FAT1: variants seen among roughly 807,000 people sequenced by gnomAD.
The protein encoded by FAT1 is FAT atypical cadherin 1.
FAT1 carries 171 observed loss-of-function variants against 329.8 expected under a neutral mutation model. The ratio of observed to expected loss-of-function variants is 0.52; its 90% confidence interval spans 0.46 to 0.59. The LOEUF is 0.59. FAT1 is among the 20% of genes least tolerant of loss of function. The probability of loss-of-function intolerance (pLI) is 0.00; values close to 1 mark genes in which losing one functional copy is unlikely to be tolerated. For synonymous variants in FAT1, 2,233 were observed against 2,228.6 expected (o/e 1.00, Z -0.06); for missense variants, 5,672 against 5,774.4 (o/e 0.98, Z 0.57).
chr4:186,720,409 A>G (rs749359322), intron 1 of FAT1, among the ~76,000 whole-genome samples: 3 of 152,100 alleles, frequency 2.0e-5, no homozygotes, highest in Non-Finnish European at 2.9e-5. Flanking sequence ...TCCTTTTCCT[A>G]AGATAACATG....
At chr4:186,660,727 A>G (rs913543712) in intron 3 of FAT1, among the ~76,000 whole-genome samples, 4 of 152,176 alleles carry the variant, frequency 2.6e-5, no homozygotes, top group African/African-American at 9.7e-5. Context: ...CAGAATAGAG[A>G]GATTTAAAAG....
At position 186,589,147 on chromosome 4, in the gene FAT1, C is replaced by T. The variant is rs963327414; in HGVS notation, c.13212G>A (p.Glu4404=). 3.7e-6 allele frequency: 6 copies of T among 1,613,770 alleles called. No individual in the cohort carries two copies. The African/African-American group carries it at 6.7e-5, about 18-fold the overall frequency. ...LPDIQEFPNY[E]VIDEQTPLYS... ...ACAGGGGTGTCTGCTCATCAATCAC[C>T]TCATAGTTGGGGAACTCTTGTATGT... The change falls in exon 27 of 27, where the codon GAG becomes GAA. Residue 4404 remains glutamate, a synonymous_variant. Coordinates refer to ENST00000441802, the MANE Select transcript of FAT1 (RefSeq NM_005245.4).
chr4:186,649,646 G>C (rs1741542756), intron 3 of FAT1, among the ~76,000 whole-genome samples: 1 of 152,164 alleles, frequency 6.6e-6, no homozygotes, highest in Non-Finnish European at 1.5e-5. Context: ...ACTGGGAGGA[G>C]CGAGGATAGG....
chr4:186,656,751 G>A (rs1339943499), intron 3 of FAT1, among the ~76,000 whole-genome samples: 1 of 152,084 alleles, frequency 6.6e-6, no homozygotes, highest in African/African-American at 2.4e-5. Flanking sequence ...AACATAACCA[G>A]GATATTGCTA....
chr4:186,606,413 CAAT>C (rs1476394416), intron 16 of FAT1, among the ~76,000 whole-genome samples, 200 bp from the exon 17 acceptor site: 3 of 151,998 alleles, frequency 2.0e-5, no homozygotes, highest in African/African-American at 4.8e-5. Flanking sequence ...CAAGAATTAC[CAAT>C]AATGATTAGA....
At position 186,613,192 on chromosome 4, in the gene FAT1, G is replaced by T. The variant is rs1739537786; in HGVS notation, c.9380C>A (p.Ala3127Asp). ...AAACACGGTGATGGCATAAGGATCG[G>T]CAGAGAATTCGGGGGCGTTATCGTT... ...DVNDNAPEFS[A>D]DPYAITVFEN... is the part of the protein sequence containing the mutation. Residue 3127 changes from alanine (A) to aspartate (D), a missense_variant, in exon 13 of 27, where the codon GCC becomes GAC. Physicochemically the swap from Ala to Asp is moderately radical, Grantham distance 126. This residue lies in a region of FAT1 where 3,966 missense variants were observed against 3,915.2 expected (regional missense o/e 1.01). Transcript: ENST00000441802. 1 of 1,613,736 alleles carries T rather than the reference G, an allele frequency of 6.2e-7. No individual in the cohort carries two copies. The highest frequency in any genetic ancestry group is 8.5e-7 in the Non-Finnish European group (1 of 1,179,850).
rs1358583660 is a variant in FAT1, at chr4:186,617,066, G to A, written c.9014C>T (p.Ser3005Leu). ...AACTTTCACTTCAACTATCGCTTTT[G>A]ATGAGAAGGTGCCATCAGTTGCCGT... ...TITATDGTFSSKAIVEVKVLD... is the reference protein window; with the variant it reads ...TITATDGTFSLKAIVEVKVLD... The change falls in exon 11 of 27, where the codon TCA (serine) becomes TTA (leucine). Residue 3005 changes from serine (S) to leucine (L), a missense_variant. Ser to Leu is a moderately radical substitution (Grantham distance 145, BLOSUM62 -2). This residue lies in a region of FAT1 where 3,966 missense variants were observed against 3,915.2 expected (regional missense o/e 1.01). Transcript: ENST00000441802. 6 of 1,613,974 alleles carry A rather than the reference G, an allele frequency of 3.7e-6. No homozygotes were observed. The South Asian group carries it at 6.6e-5, about 18-fold the overall frequency.
At position 186,618,654 on chromosome 4, in the gene FAT1, C is replaced by A; in HGVS notation, c.7932G>T (p.Glu2644Asp). ...CGGACAGTTTGTTAATTTCCAAATT[C>A]TCTTTTACACTTTCAGAGTCTGCTT... ...AIEADSESVK[E>D]NLEINKLSGV... Residue 2644 changes from glutamate (E) to aspartate (D), a missense_variant, in exon 10 of 27, where the codon GAG becomes GAT. Coordinates refer to ENST00000441802, the MANE Select transcript of FAT1 (RefSeq NM_005245.4). 4 of 1,614,044 alleles carry A rather than the reference C, an allele frequency of 2.5e-6. No homozygotes were observed. Among genetic ancestry groups the A allele is most frequent in the Non-Finnish European group, 3.4e-6 (4 of 1,179,896 alleles).
At chr4:186,677,522 T>C (rs1158656076) in intron 2 of FAT1, among the ~76,000 whole-genome samples, 1 of 151,916 alleles carries the variant, frequency 6.6e-6, no homozygotes, top group Non-Finnish European at 1.5e-5. Flanking sequence ...CGGTGTATCA[T>C]ATAACGGAAG....
intron 2 of FAT1, among the ~76,000 whole-genome samples, chr4:186,695,545 C>T (rs558015553): frequency 6.6e-6 from 1 of 152,086 alleles, no homozygotes; most frequent in Non-Finnish European, 1.5e-5. Context: ...TTTAGATAAG[C>T]GTTTCCCTTT....
chr4:186,682,229 A>G (rs1332447661), intron 2 of FAT1, among the ~76,000 whole-genome samples: 1 of 152,184 alleles, frequency 6.6e-6, no homozygotes, highest in Non-Finnish European at 1.5e-5. Context: ...CTGAATTGCT[A>G]AAAGTTGTAA....
chr4:186,612,358 A>T (rs1053845576), intron 13 of FAT1, among the ~76,000 whole-genome samples: 1 of 152,160 alleles, frequency 6.6e-6, no homozygotes, highest in Non-Finnish European at 1.5e-5. Flanking sequence ...GGTGACAAAG[A>T]TCTGAAAAGC....
intron 2 of FAT1, among the ~76,000 whole-genome samples, chr4:186,667,334 T>C (rs1742496781): frequency 1.3e-5 from 2 of 152,194 alleles, no homozygotes; most frequent in African/African-American, 4.8e-5. Context: ...GCCTCCCCGG[T>C]AATCTACGGA....
intron 3 of FAT1, among the ~76,000 whole-genome samples, chr4:186,655,440 ATTT>A (rs11318097): frequency 6.8e-6 from 1 of 146,670 alleles, no homozygotes; most frequent in Admixed American, 6.8e-5. Context: ...CAATAAGGTG[ATTT>A]TTTTTTTTTT....
chr4:186,621,177 T>G lies in FAT1; in HGVS notation c.5409A>C (p.Ser1803=), dbSNP rs371313650. The G allele has an allele frequency of 1.2e-6, 2 of 1,613,890 alleles. No individual in the cohort carries two copies. The highest frequency in any genetic ancestry group is 2.7e-5 in the African/African-American group (2 of 74,944). ...VIRAADADKD[S]NALLVYHIVE... The stretch of plus-strand genomic sequence containing the variant: ...CAATGTGATATACAAGCAAAGCATT[T>G]GAGTCTTTATCAGCATCAGCTGCTC... The change falls in exon 10 of 27, where the codon TCA becomes TCC. Residue 1803 remains serine (S), a synonymous_variant. Transcript: ENST00000441802.
chr4:186,675,610 T>C (rs991952295), intron 2 of FAT1, among the ~76,000 whole-genome samples: 1 of 151,594 alleles, frequency 6.6e-6, no homozygotes, highest in Admixed American at 6.6e-5. Flanking sequence ...CTACTAAAAA[T>C]ACAAAAAATT....
intron 4 of FAT1, among the ~76,000 whole-genome samples, chr4:186,637,576 T>C (rs969886465): frequency 1.5e-4 from 23 of 152,216 alleles, no homozygotes; most frequent in African/African-American, 5.1e-4. Context: ...AAACTATCCA[T>C]ATATTCTTAT....
At chr4:186,696,315 C>T (rs1008609127) in intron 2 of FAT1, among the ~76,000 whole-genome samples, 12 of 152,138 alleles carry the variant, frequency 7.9e-5, no homozygotes, top group Admixed American at 2.6e-4. Context: ...TTTTTTAGAT[C>T]CTTAAAAAAT....
chr4:186,597,611 T>A (rs2126398210), intron 24 of FAT1, 71 bp downstream of exon 24: 2 of 1,005,934 alleles, frequency 2.0e-6, no homozygotes, highest in East Asian at 4.9e-5. Context: ...TCACTGAAGG[T>A]CTGTTGCATC....
Sources: gnomAD v4.1 joint callset for allele counts (sites outside exome capture counted in the v4.1 genomes callset) on GRCh38, gnomAD v4.1.1 for gene constraint, gnomAD v4.1.1 regional missense constraint, MANE v1.5 for transcripts, NCBI Gene and HGNC (gene_info 2026-07-23, HGNC 2026-07-21) for gene names.